The following SDK1 variants were observed in gnomAD, a reference collection of about 807,000 sequenced individuals.
SDK1 encodes sidekick cell adhesion molecule 1.
SDK1 carries 157 observed loss-of-function variants against 245.5 expected under a neutral mutation model. The ratio of observed to expected loss-of-function variants is 0.64; its 90% CI spans 0.56 to 0.73. The LOEUF (loss-of-function observed/expected upper bound fraction) is 0.73. Ranked by LOEUF, SDK1 falls within the 30% of genes least tolerant of loss-of-function variation. The pLI is 0.00. For missense variants in SDK1, 3,583 were observed against 3,002.3 expected (o/e 1.19, Z -4.52); for synonymous variants, 1,647 against 1,278.5 (o/e 1.29, Z -6.15).
chr7:3,934,208 A>G (rs1166620197), intron 5 of SDK1, among the ~76,000 whole-genome samples: 1 of 152,248 alleles, frequency 6.6e-6, no homozygotes, highest in African/African-American at 2.4e-5. Flanking sequence ...AGGAGGGGCC[A>G]TAATTGTGAA....
At chr7:4,171,237 C>T (rs1159880158) in intron 32 of SDK1, among the ~76,000 whole-genome samples, 1 of 152,226 alleles carries the variant, frequency 6.6e-6, no homozygotes, top group Non-Finnish European at 1.5e-5. Flanking sequence ...GCCGCCGCCT[C>T]GGGTACACCG....
At chr7:3,447,195 A>G (rs1016398477) in intron 1 of SDK1, among the ~76,000 whole-genome samples, 5 of 152,204 alleles carry the variant, frequency 3.3e-5, no homozygotes, top group African/African-American at 1.2e-4. Flanking sequence ...TCATTAACCT[A>G]TATTAGAGGA....
intron 9 of SDK1, among the ~76,000 whole-genome samples, chr7:3,966,014 C>G (rs1782056832): frequency 1.3e-5 from 2 of 151,760 alleles, no homozygotes; most frequent in African/African-American, 2.4e-5. Context: ...AGGCCGAGAA[C>G]AGGAGGAGCC....
At chr7:3,849,629 A>AT (rs374768278) in intron 5 of SDK1, among the ~76,000 whole-genome samples, 2 of 152,328 alleles carry the variant, frequency 1.3e-5, no homozygotes, top group African/African-American at 4.8e-5. Flanking sequence ...TGACTAGTGA[A>AT]TTTCAATTTA....
chr7:3,657,595 A>C (rs1298899427), intron 4 of SDK1, among the ~76,000 whole-genome samples: 1 of 128,006 alleles, frequency 7.8e-6, no homozygotes, highest in East Asian at 2.3e-4. Context: ...TGTTTAGGGG[A>C]CTCGGGTTTT....
chr7:3,572,341 G>A (rs1460444871), intron 1 of SDK1, among the ~76,000 whole-genome samples: 5 of 152,020 alleles, frequency 3.3e-5, no homozygotes, highest in Admixed American at 3.3e-4. Context: ...CCTCAGTGAA[G>A]ATGGAGAGCC....
intron 4 of SDK1, among the ~76,000 whole-genome samples, chr7:3,666,858 G>C (rs888828032): frequency 6.6e-6 from 1 of 152,156 alleles, no homozygotes; most frequent in Admixed American, 6.5e-5. Context: ...AGGGATAAAT[G>C]CCTGACGTTT....
rs555340462 is a variant in SDK1 at position 3,332,594 on chromosome 7, C to G, written c.298+30710C>G. ...GCCATTTATAATAAATGTAAATGGC[C>G]TGCCATTTATTTTAGAATTACTCTG... On this transcript the variant is annotated intron_variant, in intron 1 of 44. Coordinates refer to ENST00000404826, the MANE Select transcript of SDK1 (RefSeq NM_152744.4). Among the ~76,000 whole-genome samples the G allele has an allele frequency of 5.3e-5, 8 of 152,038 alleles. No individual in the cohort carries two copies. In the East Asian group the frequency reaches 1.5e-3, roughly 29 times the overall value.
intron 1 of SDK1, among the ~76,000 whole-genome samples, chr7:3,562,249 C>G (rs1779773054): frequency 6.6e-6 from 1 of 152,242 alleles, no homozygotes; most frequent in Non-Finnish European, 1.5e-5. Context: ...CCAAAAATAA[C>G]CTGCCATCAT....
At position 3,853,257 on chromosome 7, in the gene SDK1, A is replaced by T. The variant is rs1357337155; in HGVS notation, c.847+31674A>T. ...CCTATTGCTCAGCCTCGACTTGGAC[A>T]TGGTTTGTAGTCCTAAGTGGATTCT... On this transcript the variant is annotated intron_variant, in intron 5 of 44. Coordinates refer to ENST00000404826, the MANE Select transcript of SDK1 (RefSeq NM_152744.4). Among the ~76,000 whole-genome samples, 3 of 152,116 alleles carry T rather than the reference A, an allele frequency of 2.0e-5. No homozygotes were observed. In the East Asian group the frequency reaches 5.8e-4, roughly 29 times the overall value.
chr7:3,307,234 C>CT lies in SDK1; in HGVS notation c.298+5358dup, dbSNP rs201194006. Among the ~76,000 whole-genome samples the CT allele has an allele frequency of 2.7e-3, 404 of 151,970 alleles. 6 individuals carry two copies. In the South Asian group the frequency reaches 0.033, roughly 12 times the overall value. ...AATTTCCCCCTAAGTATGTACACCT[C>CT]TTTTTTTTAAAAAAAGGGCATAAAC... On this transcript the variant is annotated intron_variant, in intron 1 of 44. Transcript: ENST00000404826.
chr7:3,946,633 C>G (rs1016884393), intron 5 of SDK1, among the ~76,000 whole-genome samples: 12 of 152,138 alleles, frequency 7.9e-5, no homozygotes, highest in African/African-American at 2.9e-4. Flanking sequence ...CATTTTTTAC[C>G]TCATTCAAGA....
At chr7:4,110,916 G>T in intron 23 of SDK1, 144 bp downstream of exon 23, 1 of 642,596 alleles carries the variant, frequency 1.6e-6, no homozygotes, top group South Asian at 1.8e-5. Flanking sequence ...AAGCCTTAAG[G>T]AGCAGGCGGG....
intron 22 of SDK1, among the ~76,000 whole-genome samples, chr7:4,095,007 A>G (rs571043488): frequency 2.8e-4 from 43 of 152,244 alleles, no homozygotes; most frequent in Admixed American, 1.3e-4. Flanking sequence ...GATCAGCAGA[A>G]AAGAACGTTA....
At chr7:3,566,575 T>C (rs1348352765) in intron 1 of SDK1, among the ~76,000 whole-genome samples, 1 of 152,068 alleles carries the variant, frequency 6.6e-6, no homozygotes, top group Non-Finnish European at 1.5e-5. Context: ...ATCCACTTGA[T>C]TTTATCACCA....
chr7:3,810,096 A>G (rs1332865729), intron 4 of SDK1, among the ~76,000 whole-genome samples: 1 of 152,184 alleles, frequency 6.6e-6, no homozygotes, highest in Admixed American at 6.5e-5. Context: ...ATATAAACTG[A>G]GCTGATTTCA....
intron 5 of SDK1, among the ~76,000 whole-genome samples, chr7:3,936,472 C>T (rs1780162917): frequency 6.6e-6 from 1 of 151,820 alleles, no homozygotes; most frequent in Non-Finnish European, 1.5e-5. Context: ...ATAGTCCCAG[C>T]TACTCGGGAG....
At chr7:4,005,478 C>T (rs1433006689) in intron 14 of SDK1, among the ~76,000 whole-genome samples, 3 of 150,838 alleles carry the variant, frequency 2.0e-5, no homozygotes, top group African/African-American at 7.3e-5. Flanking sequence ...TGCTGCATCA[C>T]CCAAGGAGGC....
chr7:4,208,336 T>C, intron 37 of SDK1, 51 bp downstream of exon 37: 1 of 1,552,060 alleles, frequency 6.4e-7, no homozygotes, highest in Non-Finnish European at 8.8e-7. Flanking sequence ...ACACGTGTTT[T>C]GAGAGCGCCA....
Sources: allele counts gnomAD v4.1 joint callset (sites outside exome capture counted in the v4.1 genomes callset), GRCh38; gene constraint gnomAD v4.1.1; transcripts MANE v1.5; gene names NCBI Gene and HGNC (gene_info 2026-07-23, HGNC 2026-07-21).